PRRG1: variants seen among roughly 807,000 people sequenced by gnomAD.
PRRG1 encodes transmembrane gamma-carboxyglutamic acid protein 1.
In PRRG1, 5 loss-of-function variants were observed where a neutral mutation model predicts 11.8. That is an observed-to-expected ratio of 0.42 (90% CI 0.22 to 0.89). PRRG1 has a LOEUF of 0.89. Ranked by LOEUF, PRRG1 falls within the 40% of genes least tolerant of loss-of-function variation. PRRG1 has a pLI of 0.28. For synonymous variants in PRRG1, 66 were observed against 60.4 expected, an observed-to-expected ratio of 1.09 and a Z score of -0.43; for missense variants, 155 against 166.1, an observed-to-expected ratio of 0.93 and a Z score of 0.37.
chrX:37,350,623 T>C (rs1261440284), intron 1 of PRRG1, among the ~76,000 whole-genome samples: 1 of 111,998 alleles, frequency 8.9e-6, no homozygotes, highest in Non-Finnish European at 1.9e-5. Context: ...TTAGGGACTT[T>C]TATGAAAGAT....
chrX:37,360,348 T>C (rs1290171430), intron 1 of PRRG1, among the ~76,000 whole-genome samples: 2 of 112,493 alleles, frequency 1.8e-5, no homozygotes, highest in African/African-American at 6.5e-5. Context: ...AGTTGTATTT[T>C]AATTTTCACT....
rs1450314572 is a variant in PRRG1 at position 37,401,765 on chromosome X, C to A, written c.-41-4444C>A. Among the ~76,000 whole-genome samples the A allele has an allele frequency of 4.5e-5, 5 of 111,316 alleles. No homozygotes were observed. In the East Asian group the frequency reaches 1.4e-3, roughly 31 times the overall value. Reference sequence around the variant, plus strand: ...TGTCTCAGCCCAAAATCTCCTTAAGCTGATAAGCAACTTCAGCAAAGTCTC... The same window carrying A: ...TGTCTCAGCCCAAAATCTCCTTAAGATGATAAGCAACTTCAGCAAAGTCTC... On this transcript the variant is annotated intron_variant, in intron 1 of 3. Transcript: ENST00000378628.
In PRRG1 at chrX:37,407,206, T is replaced by C. The variant is rs185853372; in HGVS notation, c.10+947T>C. ...CTGGTCTGAGTTAGGTACAGGATAA[T>C]AGAGTAGCAAAGATCAGTGACTGAA... On this transcript the variant is annotated intron_variant, in intron 2 of 3. Transcript: ENST00000378628. Among the ~76,000 whole-genome samples the C allele has an allele frequency of 1.6e-4, 18 of 111,424 alleles. No homozygotes were observed. The East Asian group carries it at 4.0e-3, about 25-fold the overall frequency.
At chrX:37,448,438 C>G (rs1921000009) in intron 3 of PRRG1, among the ~76,000 whole-genome samples, 1 of 111,802 alleles carries the variant, frequency 8.9e-6, no homozygotes, top group Non-Finnish European at 1.9e-5. Flanking sequence ...GGCCTGTGAC[C>G]AATCACAGGC....
chrX:37,440,688 A>T, intron 3 of PRRG1: 1 of 477,323 alleles, frequency 2.1e-6, no homozygotes, highest in Non-Finnish European at 3.7e-6. Context: ...AAAAATTATA[A>T]TTCCCTATTA....
chrX:37,397,347 T>C (rs1430891800), intron 1 of PRRG1, among the ~76,000 whole-genome samples: 2 of 112,195 alleles, frequency 1.8e-5, no homozygotes, highest in Non-Finnish European at 3.8e-5. Flanking sequence ...GGTATGTGAA[T>C]TACTGGAGTT....
chrX:37,366,279 C>T (rs782376439), intron 1 of PRRG1, among the ~76,000 whole-genome samples: 11 of 112,018 alleles, frequency 9.8e-5, no homozygotes, highest in Admixed American at 3.8e-4. Flanking sequence ...AGTTTCTCAT[C>T]CCTGTCATGT....
chrX:37,436,061 AC>A (rs1466639114), intron 3 of PRRG1, among the ~76,000 whole-genome samples: 2 of 112,313 alleles, frequency 1.8e-5, no homozygotes, highest in South Asian at 3.7e-4. Context: ...TCCAGGGGTC[AC>A]AAGTCTCCTT....
intron 3 of PRRG1, among the ~76,000 whole-genome samples, chrX:37,443,104 G>A (rs1404669280): frequency 1.8e-5 from 2 of 111,893 alleles, no homozygotes; most frequent in African/African-American, 6.5e-5. Flanking sequence ...ATCCAGATGA[G>A]AGCCTAGTGT....
At chrX:37,354,924 T>A (rs1930191037) in intron 1 of PRRG1, among the ~76,000 whole-genome samples, 1 of 109,857 alleles carries the variant, frequency 9.1e-6, no homozygotes, top group Admixed American at 9.6e-5. Context: ...TTTGTTTGTT[T>A]GTTTTTTGAG....
intron 3 of PRRG1, among the ~76,000 whole-genome samples, chrX:37,450,929 A>G (rs1195968693): frequency 8.9e-6 from 1 of 112,694 alleles, no homozygotes; most frequent in African/African-American, 3.2e-5. Flanking sequence ...GATGTAAACC[A>G]AAATGTTAGT....
At chrX:37,357,166 G>A (rs1187697068) in intron 1 of PRRG1, among the ~76,000 whole-genome samples, 8 of 111,048 alleles carry the variant, frequency 7.2e-5, no homozygotes, top group African/African-American at 2.6e-4. Context: ...TATAAAGTAT[G>A]CGGCTTTTTC....
chrX:37,370,305 T>A lies in PRRG1; in HGVS notation c.-42+20910T>A, dbSNP rs1384662463. Among the ~76,000 whole-genome samples, 8 of 112,314 alleles carry A rather than the reference T, an allele frequency of 7.1e-5. 1 individual carries two copies. Among genetic ancestry groups the A allele is most frequent in the Admixed American group, 6.5e-4 (7 of 10,707 alleles). On this transcript the variant is annotated intron_variant, in intron 1 of 3. Coordinates refer to ENST00000378628, the MANE Select transcript of PRRG1 (RefSeq NM_001142395.2). ...AACACTGCTGCAATGAACATGTGAG[T>A]TAAGATATCTCTTTGACATACTGAT...
chrX:37,358,002 A>G (rs956046499), intron 1 of PRRG1, among the ~76,000 whole-genome samples: 10 of 111,534 alleles, frequency 9.0e-5, no homozygotes, highest in African/African-American at 2.6e-4. Flanking sequence ...ATGACATATG[A>G]TGTTGGGCTT....
intron 3 of PRRG1, among the ~76,000 whole-genome samples, chrX:37,450,992 T>TTTTTGTTTTGTTTTG (rs560769877): frequency 0.032 from 3,361 of 106,501 alleles, 71 homozygotes; most frequent in African/African-American, 0.07. Context: ...ATTTTTGCTG[T>TTTTTGTTTTGTTTTG]TTTTGTTTTG....
intron 2 of PRRG1, among the ~76,000 whole-genome samples, chrX:37,422,863 CAT>C (rs1408461730): frequency 7.2e-5 from 8 of 111,352 alleles, no homozygotes; most frequent in Non-Finnish European, 9.4e-5. Context: ...CACTGCTAGT[CAT>C]ATAACAGTAT....
rs1401018767 is a variant in PRRG1, at chrX:37,398,225, C to A, written c.-41-7984C>A. On this transcript the variant is annotated intron_variant, in intron 1 of 3. Transcript: ENST00000378628. ...CCCCGAGCAGCCTAACTGGGAGGCA[C>A]CCCCCCAGTAGGGGCGGACTGACGC... Among the ~76,000 whole-genome samples, 4 of 111,134 alleles carry A rather than the reference C, an allele frequency of 3.6e-5. 1 individual carries two copies. The South Asian group carries it at 1.6e-3, about 43-fold the overall frequency.
chrX:37,414,513 C>T lies in PRRG1; in HGVS notation c.10+8254C>T, dbSNP rs148456104. On this transcript the variant is annotated intron_variant, in intron 2 of 3. Transcript: ENST00000378628. ...ATGGATCAGTGGTTTCCAATGTGTT[C>T]GGTGAAGCCACAGATCTTCTAAAGG... Among the ~76,000 whole-genome samples the T allele has an allele frequency of 2.0e-3, 222 of 112,227 alleles. No homozygotes were observed. In the East Asian group the frequency reaches 0.026, roughly 13 times the overall value.
At chrX:37,446,630 TTG>T (rs1556395294) in intron 3 of PRRG1, among the ~76,000 whole-genome samples, 2 of 111,788 alleles carry the variant, frequency 1.8e-5, no homozygotes, top group Non-Finnish European at 3.8e-5. Flanking sequence ...TCTTCCCGTT[TTG>T]TGTGTTACTA....
Sources: gnomAD v4.1 joint callset for allele counts (sites outside exome capture counted in the v4.1 genomes callset) on GRCh38, gnomAD v4.1.1 for gene constraint, MANE v1.5 for transcripts, NCBI Gene and HGNC (gene_info 2026-07-23, HGNC 2026-07-21) for gene names.